Variants in KLHL1 observed in about 807,000 individuals in gnomAD.
KLHL1 encodes the protein kelch-like protein 1.
A neutral mutation model predicts 77.7 loss-of-function variants in KLHL1; 47 were observed. That is an observed-to-expected ratio of 0.60 (90% CI 0.48 to 0.77). The LOEUF (loss-of-function observed/expected upper bound fraction) is 0.77. Ranked by LOEUF, KLHL1 falls within the 30% of genes least tolerant of loss-of-function variation. The probability of loss-of-function intolerance (pLI) is 0.00; values close to 1 mark genes in which losing one functional copy is unlikely to be tolerated. For missense variants in KLHL1, 925 were observed against 910.8 expected, an observed-to-expected ratio of 1.02 and a Z score of -0.20; for synonymous variants, 360 against 325.2, an observed-to-expected ratio of 1.11 and a Z score of -1.15.
chr13:70,018,416 G>A lies in KLHL1; in HGVS notation c.498-42614C>T, dbSNP rs374778836. Among the ~76,000 whole-genome samples, 3 of 152,302 alleles carry A rather than the reference G, an allele frequency of 2.0e-5. No individual in the cohort carries two copies. The East Asian group carries it at 5.8e-4, about 29-fold the overall frequency. ...CCTTGCCCTTAGAGTTAATTCAGCA[G>A]CTGTTCTAGCAGTACACACCAAAAG... On this transcript the variant is annotated intron_variant, in intron 1 of 10. Transcript: ENST00000377844.
chr13:70,028,908 T>C (rs958959921), intron 1 of KLHL1, among the ~76,000 whole-genome samples: 5 of 151,302 alleles, frequency 3.3e-5, no homozygotes, highest in African/African-American at 1.2e-4. Flanking sequence ...ACCTGGGAAG[T>C]AGTGGCTGCA....
intron 8 of KLHL1, among the ~76,000 whole-genome samples, chr13:69,732,107 CA>C (rs1293615310): frequency 1.3e-5 from 2 of 151,900 alleles, no homozygotes; most frequent in Non-Finnish European, 2.9e-5. Flanking sequence ...AGTTAAAATG[CA>C]AAAATTTTAA....
intron 6 of KLHL1, among the ~76,000 whole-genome samples, chr13:69,826,578 CAAAG>C (rs144260651): frequency 1.3e-5 from 2 of 151,072 alleles, no homozygotes; most frequent in Non-Finnish European, 2.9e-5. Context: ...AAAACTGTCT[CAAAG>C]AAAGAAAGAA....
At chr13:69,874,848 T>G (rs1483028061) in intron 5 of KLHL1, among the ~76,000 whole-genome samples, 1 of 152,046 alleles carries the variant, frequency 6.6e-6, no homozygotes, top group Non-Finnish European at 1.5e-5. Flanking sequence ...GGGTAAATGA[T>G]GTAGGGCTTT....
At position 70,107,801 on chromosome 13, in the gene KLHL1, A is replaced by T; in HGVS notation, c.-102T>A. Reference sequence around the variant, plus strand: ...GCCCGGGGGCGGAGGAAGAGGCGGGATGCGCCCTCTGCACCCCTAGAGCCA... The same window carrying T: ...GCCCGGGGGCGGAGGAAGAGGCGGGTTGCGCCCTCTGCACCCCTAGAGCCA... On this transcript the variant is annotated 5_prime_UTR_variant, in exon 1 of 11. Coordinates refer to ENST00000377844, the MANE Select transcript of KLHL1 (RefSeq NM_020866.3). 4.6e-6 allele frequency: 4 copies of T among 871,604 alleles called. No homozygotes were observed. Among genetic ancestry groups the T allele is most frequent in the Non-Finnish European group, 6.8e-6 (4 of 587,312 alleles). 54.0% of individuals were successfully genotyped at this position (871,604 alleles called of 1,614,324 possible).
chr13:69,757,824 G>A (rs866579226), intron 7 of KLHL1, among the ~76,000 whole-genome samples: 1 of 151,878 alleles, frequency 6.6e-6, no homozygotes, highest in Non-Finnish European at 1.5e-5. Context: ...TGGCGTGGTG[G>A]CAGGTGCCTG....
chr13:69,709,100 C>T (rs371403748), intron 9 of KLHL1, among the ~76,000 whole-genome samples: 2 of 151,854 alleles, frequency 1.3e-5, no homozygotes, highest in Admixed American at 6.6e-5. Flanking sequence ...TAAAATGAGG[C>T]GCTGGTCGAA....
At chr13:69,713,021 G>A (rs1211732348) in intron 9 of KLHL1, among the ~76,000 whole-genome samples, 1 of 151,716 alleles carries the variant, frequency 6.6e-6, no homozygotes, top group Non-Finnish European at 1.5e-5. Context: ...AGTGAGATGA[G>A]ATCTCACTAT....
chr13:69,884,174 G>A (rs1269310910), intron 4 of KLHL1, among the ~76,000 whole-genome samples: 4 of 151,904 alleles, frequency 2.6e-5, no homozygotes, highest in Non-Finnish European at 5.9e-5. Context: ...TTCACAAAAG[G>A]GCACTAACTT....
intron 7 of KLHL1, among the ~76,000 whole-genome samples, chr13:69,782,577 C>A (rs1876283947): frequency 6.6e-6 from 1 of 152,190 alleles, no homozygotes; most frequent in African/African-American, 2.4e-5. Context: ...GCATAGGAGT[C>A]TGAGATCAAA....
intron 1 of KLHL1, among the ~76,000 whole-genome samples, chr13:70,021,572 T>C (rs1250269005): frequency 1.3e-5 from 2 of 152,078 alleles, no homozygotes; most frequent in Non-Finnish European, 2.9e-5. Flanking sequence ...TATCTAGTTT[T>C]GTAAGCATCT....
At chr13:69,837,815 G>T (rs533118189) in intron 6 of KLHL1, among the ~76,000 whole-genome samples, 1 of 150,924 alleles carries the variant, frequency 6.6e-6, no homozygotes, top group South Asian at 2.1e-4. Flanking sequence ...AGTTTCTAAG[G>T]CTTTCCTTCT....
chr13:70,002,540 T>G (rs1407259421), intron 1 of KLHL1, among the ~76,000 whole-genome samples: 1 of 151,436 alleles, frequency 6.6e-6, no homozygotes, highest in African/African-American at 2.4e-5. Context: ...AGAGAAAATA[T>G]TTAAATAAAA....
In KLHL1 at chr13:69,918,314, A is replaced by C. The variant is rs549908999; in HGVS notation, c.1014+21726T>G. On this transcript the variant is annotated intron_variant, in intron 4 of 10. Coordinates refer to ENST00000377844, the MANE Select transcript of KLHL1 (RefSeq NM_020866.3). ...TGTATTGCCATATTTTAATTAGTTG[A>C]TTTATCTTTAAAAATGATTTGTAAA... 1.6e-4 allele frequency among the ~76,000 whole-genome samples: 24 copies of C among 151,940 alleles called. No homozygotes were observed. In the South Asian group the frequency reaches 4.8e-3, roughly 30 times the overall value.
At chr13:69,707,960 G>A (rs1183359828) in intron 9 of KLHL1, among the ~76,000 whole-genome samples, 164 bp from the exon 10 acceptor site, 2 of 151,678 alleles carry the variant, frequency 1.3e-5, no homozygotes, top group Non-Finnish European at 2.9e-5. Context: ...CATCCATTAT[G>A]TCTAGCTTTC....
intron 7 of KLHL1, among the ~76,000 whole-genome samples, chr13:69,771,009 T>G (rs1875537701): frequency 1.3e-5 from 2 of 152,214 alleles, no homozygotes; most frequent in Non-Finnish European, 2.9e-5. Flanking sequence ...CTTTAGAGTG[T>G]TCTTTGGGAG....
At chr13:69,833,267 T>C (rs1467435257) in intron 6 of KLHL1, among the ~76,000 whole-genome samples, 2 of 151,444 alleles carry the variant, frequency 1.3e-5, no homozygotes, top group Admixed American at 6.6e-5. Context: ...CAAGAAACAA[T>C]AAATAATCCC....
rs1274813993 is a variant in KLHL1, at chr13:69,701,039, T to C, written c.*663A>G. 1 of 152,304 alleles carries C rather than the reference T, an allele frequency of 6.6e-6. No individual in the cohort carries two copies. The highest frequency in any genetic ancestry group is 2.4e-5 in the African/African-American group (1 of 41,404). The allele number at this position is 152,304 out of a possible 1,614,324, so 9.4% of individuals were successfully genotyped here. Reference sequence around the variant, plus strand: ...AAACAATCCTTTGTGTTTGCCAGTTTCAGATTGCCAATATGGTTGCAATAA... The same window carrying C: ...AAACAATCCTTTGTGTTTGCCAGTTCCAGATTGCCAATATGGTTGCAATAA... On this transcript the variant is annotated 3_prime_UTR_variant, in exon 11 of 11. Coordinates refer to ENST00000377844, the MANE Select transcript of KLHL1 (RefSeq NM_020866.3).
rs1175050045 is a variant in KLHL1, at chr13:69,735,424, A to AGTTT, written c.1802+4969_1802+4970insAAAC. Among the ~76,000 whole-genome samples, 10 of 151,068 alleles carry AGTTT rather than the reference A, an allele frequency of 6.6e-5. No homozygotes were observed. In the East Asian group the frequency reaches 2.0e-3, roughly 30 times the overall value. ...TTAAGAAAACAGAAAAAGTTTCCTT[A>AGTTT]CTAGTTTATTAAATGTTTATCTTTC... On this transcript the variant is annotated intron_variant, in intron 8 of 10. Transcript: ENST00000377844.
Sources: allele counts gnomAD v4.1 joint callset (sites outside exome capture counted in the v4.1 genomes callset), GRCh38; gene constraint gnomAD v4.1.1; transcripts MANE v1.5; gene names NCBI Gene and HGNC (gene_info 2026-07-23, HGNC 2026-07-21).